Variants in TM4SF4 observed in about 807,000 individuals in gnomAD.
TM4SF4 encodes the protein transmembrane 4 L six family member 4.
A neutral mutation model predicts 24.1 loss-of-function variants in TM4SF4; 24 were observed. The ratio of observed to expected loss-of-function variants is 1.00; its 90% confidence interval spans 0.72 to 1.40. The LOEUF (loss-of-function observed/expected upper bound fraction) is 1.40. TM4SF4 is among the 40% of genes most tolerant of loss of function. The pLI, the probability that TM4SF4 is intolerant of heterozygous loss-of-function variation, is 0.00. For missense variants in TM4SF4, 254 were observed against 254.2 expected, an observed-to-expected ratio of 1.00 and a Z score of 0.01; for synonymous variants, 113 against 97.0, an observed-to-expected ratio of 1.17 and a Z score of -0.97.
chr3:149,486,688 A>G (rs1405649092), intron 2 of TM4SF4, among the ~76,000 whole-genome samples: 2 of 152,232 alleles, frequency 1.3e-5, no homozygotes, highest in African/African-American at 4.8e-5. Flanking sequence ...AAAATATTTA[A>G]AAGAATGGAA....
chr3:149,475,493 A>G (rs1733912656), intron 1 of TM4SF4, among the ~76,000 whole-genome samples: 1 of 152,222 alleles, frequency 6.6e-6, no homozygotes, highest in Non-Finnish European at 1.5e-5. Flanking sequence ...TTCCAATAGA[A>G]TTGGGAACCT....
chr3:149,495,075 G>T, intron 3 of TM4SF4: 1 of 257,554 alleles, frequency 3.9e-6, no homozygotes, highest in South Asian at 5.6e-5. Flanking sequence ...CACTGGGGAT[G>T]AAACAACCAA....
Position 149,498,740 on chromosome 3 carries a change from G to A in TM4SF4, c.420G>A (p.Glu140=). ...PFHDGDYLND[E]ALWNKCREPL... is the part of the protein sequence containing the mutation. Reference sequence around the variant, plus strand: ...CCAACAGGGATTATCTCAATGATGAGGCCTTATGGAACAAGTGCCGAGAGC... The same window carrying A: ...CCAACAGGGATTATCTCAATGATGAAGCCTTATGGAACAAGTGCCGAGAGC... The change falls in exon 4 of 5, where the codon GAG becomes GAA. Residue 140 remains glutamate, a synonymous_variant. Coordinates refer to ENST00000305354, the MANE Select transcript of TM4SF4 (RefSeq NM_004617.4). 3 of 1,613,912 alleles carry A rather than the reference G, an allele frequency of 1.9e-6. No individual in the cohort carries two copies. Among genetic ancestry groups the A allele is most frequent in the Non-Finnish European group, 2.5e-6 (3 of 1,179,856 alleles).
intron 4 of TM4SF4, 58 bp from the exon 5 acceptor site, chr3:149,502,618 A>G: frequency 4.4e-6 from 6 of 1,372,242 alleles, no homozygotes; most frequent in Admixed American, 1.7e-5. Context: ...AGGAGGGGAA[A>G]AGCAAAAATT....
intron 2 of TM4SF4, among the ~76,000 whole-genome samples, chr3:149,484,588 GT>G (rs1734086578): frequency 1.4e-5 from 2 of 143,544 alleles, no homozygotes; most frequent in Non-Finnish European, 3.0e-5. Context: ...GTCTCGTTCT[GT>G]TGCCCAGGCT....
rs1560027488 is a variant in TM4SF4 at position 149,474,985 on chromosome 3, AG to A, written c.109del (p.Asp37MetfsTer17). Reference sequence around the variant, plus strand: ...TATTTTTTCCTGGAGGAAAAGTGATAGATGACAACGACCACCTTTCCCAAGA... The same window carrying A: ...TATTTTTTCCTGGAGGAAAAGTGATAATGACAACGACCACCTTTCCCAAGA... ...LLFFPGGKVI[D>X]DNDHLSQEIW... On this transcript the variant is annotated frameshift_variant, in exon 1 of 5. Transcript: ENST00000305354. LOFTEE classifies it high-confidence loss of function. 6.2e-7 allele frequency: 1 copy of A among 1,613,942 alleles called. No individual in the cohort carries two copies. Among genetic ancestry groups the A allele is most frequent in the South Asian group, 1.1e-5 (1 of 91,068 alleles).
chr3:149,480,528 G>T (rs1241835347), intron 2 of TM4SF4, among the ~76,000 whole-genome samples: 1 of 152,090 alleles, frequency 6.6e-6, no homozygotes, highest in African/African-American at 2.4e-5. Flanking sequence ...AAAGGTCTTG[G>T]TCAGGTCCTA....
chr3:149,489,908 A>T (rs1734182553), intron 3 of TM4SF4, among the ~76,000 whole-genome samples: 1 of 152,084 alleles, frequency 6.6e-6, no homozygotes, highest in Non-Finnish European at 1.5e-5. Context: ...TTCACTGTAC[A>T]GCTTTGATAA....
chr3:149,497,521 A>G (rs1734331451), intron 3 of TM4SF4, among the ~76,000 whole-genome samples: 2 of 152,252 alleles, frequency 1.3e-5, no homozygotes, highest in South Asian at 4.1e-4. Flanking sequence ...GATGGAGGAA[A>G]CAAAGAGACC....
At position 149,499,023 on chromosome 3, in the gene TM4SF4, G is replaced by A. The variant is rs539187634; in HGVS notation, c.591+112G>A. 218 of 1,145,684 alleles carry A rather than the reference G, an allele frequency of 1.9e-4. 1 individual carries two copies. In the East Asian group the frequency reaches 5.1e-3, roughly 27 times the overall value. The allele number at this position is 1,145,684 out of a possible 1,614,324, so 71.0% of individuals were successfully genotyped here. A position where few individuals can be genotyped will look rare whatever the true frequency, so the allele number is the denominator to read the frequency against. On this transcript the variant is annotated intron_variant, in intron 4 of 4. Transcript: ENST00000305354. The stretch of plus-strand genomic sequence containing the variant: ...GCACTGAAGGAATGAGGGGGTAAGT[G>A]TGGCCACCTGCAGAAAACCAGCCCA...
intron 4 of TM4SF4, among the ~76,000 whole-genome samples, chr3:149,499,978 G>A (rs1476835184): frequency 6.6e-6 from 1 of 152,064 alleles, no homozygotes; most frequent in Non-Finnish European, 1.5e-5. Flanking sequence ...ATATATAAAG[G>A]TATTCAGTTG....
chr3:149,487,808 T>C (rs1734145296), intron 3 of TM4SF4, 53 bp downstream of exon 3: 1 of 1,599,950 alleles, frequency 6.3e-7, no homozygotes, highest in Non-Finnish European at 8.6e-7. Context: ...CATGGGCAGA[T>C]AAATTGCCCA....
intron 1 of TM4SF4, 27 bp downstream of exon 1, chr3:149,475,078 T>G: frequency 1.3e-6 from 2 of 1,593,532 alleles, no homozygotes; most frequent in South Asian, 1.1e-5. Flanking sequence ...AAAATCCCCC[T>G]AAGGGAGATT....
chr3:149,500,086 T>C (rs1734392021), intron 4 of TM4SF4, among the ~76,000 whole-genome samples: 2 of 152,156 alleles, frequency 1.3e-5, no homozygotes, highest in Non-Finnish European at 2.9e-5. Flanking sequence ...CTTGTCACAG[T>C]ATCTCTTTTT....
chr3:149,499,988 G>A (rs1476882995), intron 4 of TM4SF4, among the ~76,000 whole-genome samples: 2 of 152,016 alleles, frequency 1.3e-5, no homozygotes, highest in African/African-American at 4.8e-5. Flanking sequence ...GTATTCAGTT[G>A]GAAAGTCTCC....
At chr3:149,499,652 A>C (rs1734379477) in intron 4 of TM4SF4, among the ~76,000 whole-genome samples, 1 of 150,442 alleles carries the variant, frequency 6.6e-6, no homozygotes, top group Non-Finnish European at 1.5e-5. Context: ...ATATATGTAA[A>C]TAAAGGTCTA....
chr3:149,500,107 T>G (rs981075343), intron 4 of TM4SF4, among the ~76,000 whole-genome samples: 3 of 152,124 alleles, frequency 2.0e-5, no homozygotes, highest in African/African-American at 7.2e-5. Context: ...ATTATTTTAT[T>G]CTCCCTATCT....
intron 4 of TM4SF4, among the ~76,000 whole-genome samples, chr3:149,500,577 G>A (rs1734399187): frequency 6.6e-6 from 1 of 152,140 alleles, no homozygotes; most frequent in African/African-American, 2.4e-5. Context: ...TTTTATGATA[G>A]TGATTGAAAA....
At position 149,474,912 on chromosome 3, in the gene TM4SF4, G is replaced by T; in HGVS notation, c.35G>T (p.Gly12Val). 1 of 1,613,868 alleles carries T rather than the reference G, an allele frequency of 6.2e-7. No individual in the cohort carries two copies. Among genetic ancestry groups the T allele is most frequent in the Non-Finnish European group, 8.5e-7 (1 of 1,179,842 alleles). Residue 12 changes from glycine (G) to valine (V), a missense_variant, in exon 1 of 5, where the codon GGG becomes GTG. Transcript: ENST00000305354. ...CTGGCARCLGGTLIPLAFFGF... is the reference protein window; with the variant it reads ...CTGGCARCLGVTLIPLAFFGF... ...GGGGGCTGTGCCAGATGCCTGGGGG[G>T]GACCCTCATTCCCCTTGCTTTTTTT...
Sources: gnomAD v4.1 joint callset for allele counts (sites outside exome capture counted in the v4.1 genomes callset) on GRCh38, gnomAD v4.1.1 for gene constraint, MANE v1.5 for transcripts, NCBI Gene and HGNC (gene_info 2026-07-23, HGNC 2026-07-21) for gene names.